Variants in VOPP1 observed in about 807,000 individuals in gnomAD.
VOPP1 encodes the protein VOPP1 WW domain binding protein, also known as WW domain binding protein VOPP1.
A neutral mutation model predicts 23.5 loss-of-function variants in VOPP1; 8 were observed. The observed-to-expected ratio is 0.34, with a 90% CI of 0.20 to 0.61. The LOEUF (loss-of-function observed/expected upper bound fraction) is 0.61. VOPP1 is among the 20% of genes least tolerant of loss of function. The pLI is 0.78. For missense variants in VOPP1, 174 were observed against 238.1 expected, an observed-to-expected ratio of 0.73 and a Z score of 1.77; for synonymous variants, 83 against 97.3, an observed-to-expected ratio of 0.85 and a Z score of 0.86.
intron 4 of VOPP1, among the ~76,000 whole-genome samples, chr7:55,451,668 G>T (rs1380311949): frequency 6.6e-6 from 1 of 152,192 alleles, no homozygotes; most frequent in Non-Finnish European, 1.5e-5. Context: ...GCGGGTGCCT[G>T]TAGTCCCAGC....
intron 1 of VOPP1, among the ~76,000 whole-genome samples, chr7:55,524,552 A>T (rs1209013730): frequency 1.3e-5 from 2 of 152,274 alleles, no homozygotes; most frequent in Non-Finnish European, 2.9e-5. Flanking sequence ...AATGCATGGC[A>T]TGATTCCATT....
intron 4 of VOPP1, among the ~76,000 whole-genome samples, chr7:55,474,167 T>C (rs1262203524): frequency 6.6e-6 from 1 of 152,240 alleles, no homozygotes; most frequent in Non-Finnish European, 1.5e-5. Context: ...TCGCCCTGCA[T>C]CTGTGCCGTC....
intron 1 of VOPP1, among the ~76,000 whole-genome samples, chr7:55,539,103 G>A (rs1356074002): frequency 6.6e-6 from 1 of 151,962 alleles, no homozygotes; most frequent in Non-Finnish European, 1.5e-5. Flanking sequence ...CAGCACTTTG[G>A]GAGGCCGAGG....
At chr7:55,550,211 G>A (rs117830970) in intron 1 of VOPP1, among the ~76,000 whole-genome samples, 1,668 of 152,334 alleles carry the variant, frequency 0.011, 11 homozygotes, top group Middle Eastern at 0.02. Flanking sequence ...CATAAAAGCC[G>A]AAGGTGCGAC....
At chr7:55,497,231 A>G (rs1359917602) in intron 3 of VOPP1, among the ~76,000 whole-genome samples, 1 of 152,218 alleles carries the variant, frequency 6.6e-6, no homozygotes, top group Non-Finnish European at 1.5e-5. Context: ...GATGGGGAAG[A>G]GTCTGGACAA....
At chr7:55,452,729 A>G (rs1276387632) in intron 4 of VOPP1, among the ~76,000 whole-genome samples, 1 of 152,218 alleles carries the variant, frequency 6.6e-6, no homozygotes, top group African/African-American at 2.4e-5. Flanking sequence ...ATATTTTAAA[A>G]GGAATCGTTT....
At chr7:55,473,088 C>T in intron 4 of VOPP1, 43 bp from the exon 5 acceptor site, 1 of 1,567,750 alleles carries the variant, frequency 6.4e-7, no homozygotes. Context: ...AGGGAAAGCC[C>T]CATCACACCG....
At chr7:55,512,613 TC>T (rs1258188823) in intron 2 of VOPP1, among the ~76,000 whole-genome samples, 1 of 152,154 alleles carries the variant, frequency 6.6e-6, no homozygotes, top group Non-Finnish European at 1.5e-5. Flanking sequence ...ATCTGCCCCC[TC>T]CAGGCTGCAA....
At chr7:55,457,575 C>T (rs1045966404) in intron 4 of VOPP1, among the ~76,000 whole-genome samples, 1 of 151,966 alleles carries the variant, frequency 6.6e-6, no homozygotes, top group South Asian at 2.1e-4. Flanking sequence ...TATATATCCA[C>T]CAACAGTGTG....
chr7:55,528,163 T>C (rs544876188), intron 1 of VOPP1, among the ~76,000 whole-genome samples: 3 of 152,242 alleles, frequency 2.0e-5, no homozygotes, highest in African/African-American at 7.2e-5. Flanking sequence ...GTATTTACTA[T>C]CAGAATGTAG....
intron 4 of VOPP1, among the ~76,000 whole-genome samples, chr7:55,488,432 C>T (rs1793305652): frequency 6.6e-6 from 1 of 152,176 alleles, no homozygotes; most frequent in Non-Finnish European, 1.5e-5. Context: ...GGTTCCTGGG[C>T]TGGCCTGGAG....
At chr7:55,473,564 G>A (rs1452313544) in intron 4 of VOPP1, among the ~76,000 whole-genome samples, 1 of 152,166 alleles carries the variant, frequency 6.6e-6, no homozygotes, top group African/African-American at 2.4e-5. Context: ...ACGCTCCATG[G>A]GTCAGGAGCG....
intron 2 of VOPP1, among the ~76,000 whole-genome samples, chr7:55,508,265 G>A (rs1479756246): frequency 6.6e-6 from 1 of 152,122 alleles, no homozygotes; most frequent in Non-Finnish European, 1.5e-5. Context: ...TAACTACGGA[G>A]TTTTTTGTTT....
intron 4 of VOPP1, 133 bp from the exon 5 acceptor site, chr7:55,473,178 C>G: frequency 7.3e-7 from 1 of 1,368,070 alleles, no homozygotes; most frequent in Non-Finnish European, 9.6e-7. Context: ...CCCAACATGC[C>G]CGGTGAGGGG....
chr7:55,569,190 T>C (rs1048033077), intron 1 of VOPP1, among the ~76,000 whole-genome samples: 1 of 152,200 alleles, frequency 6.6e-6, no homozygotes, highest in Non-Finnish European at 1.5e-5. Flanking sequence ...AGGAGAGGGA[T>C]GGTGCTGTCA....
intron 4 of VOPP1, among the ~76,000 whole-genome samples, chr7:55,455,038 T>A (rs1562882895): frequency 6.6e-6 from 1 of 152,332 alleles, no homozygotes; most frequent in South Asian, 2.1e-4. Flanking sequence ...GCAGACAGCA[T>A]GATTGTATAT....
Position 55,516,018 on chromosome 7 carries a change from C to A in VOPP1, c.113+5054G>T, listed in dbSNP as rs1433022084. The A allele has an allele frequency of 5.1e-6, 5 of 985,370 alleles. No homozygotes were observed. The East Asian group carries it at 4.5e-4, about 89-fold the overall frequency. The allele number at this position is 985,370 out of a possible 1,614,324, so 61.0% of individuals were successfully genotyped here. A position where few individuals can be genotyped will look rare whatever the true frequency, so the allele number is the denominator to read the frequency against. On this transcript the variant is annotated intron_variant, in intron 2 of 4. Coordinates refer to ENST00000285279, the MANE Select transcript of VOPP1 (RefSeq NM_030796.5). The stretch of plus-strand genomic sequence containing the variant: ...CGTGCTGGCAAAGGAGCTGAGGAAG[C>A]GAGGCCCAAGCAGAAGCTCAACTCG...
chr7:55,541,820 C>CAT (rs527671357), intron 1 of VOPP1, among the ~76,000 whole-genome samples: 1,672 of 152,216 alleles, frequency 0.011, 11 homozygotes, highest in Middle Eastern at 0.02. Context: ...TAAGGGACCA[C>CAT]GTTACATGAT....
At chr7:55,446,393 G>A (rs1005140841) in intron 4 of VOPP1, among the ~76,000 whole-genome samples, 2 of 152,134 alleles carry the variant, frequency 1.3e-5, no homozygotes, top group African/African-American at 4.8e-5. Flanking sequence ...GTGCCCTGAG[G>A]GACTACTGTA....
Sources: allele counts gnomAD v4.1 joint callset (sites outside exome capture counted in the v4.1 genomes callset), GRCh38; gene constraint gnomAD v4.1.1; transcripts MANE v1.5; gene names NCBI Gene and HGNC (gene_info 2026-07-23, HGNC 2026-07-21).